The following SNORC variants were observed in gnomAD, a reference collection of about 807,000 sequenced individuals.
SNORC encodes the protein protein SNORC.
Under a neutral mutation model 9.7 loss-of-function variants are expected in SNORC, and 11 were observed. The ratio of observed to expected loss-of-function variants is 1.14; its 90% CI spans 0.72 to 1.88. The LOEUF is 1.88. Among genes scored for constraint, SNORC ranks in the 40% most tolerant of loss-of-function variants. The pLI is 0.00. For missense variants in SNORC, 197 were observed against 173.1 expected (o/e 1.14, Z -0.77); for synonymous variants, 108 against 88.7 (o/e 1.22, Z -1.22).
downstream of SNORC, chr2:232,876,865 G>A (rs1227831207): frequency 2.1e-5 from 21 of 985,422 alleles, no homozygotes; most frequent in Non-Finnish European, 2.4e-5. This position sits in a 1 kb window ranked among gnomAD's most constrained non-coding sequence, Gnocchi z 6.8. Flanking sequence ...CCCTCGCCGC[G>A]CTCCCCGGGG....
chr2:232,868,099 G>T (rs1002775584), upstream of SNORC, among the ~76,000 whole-genome samples: 15 of 151,472 alleles, frequency 9.9e-5, no homozygotes, highest in Non-Finnish European at 2.1e-4. Flanking sequence ...TTAGTAGACT[G>T]GCTGGCTGTT....
At chr2:232,868,454 C>T (rs990654525), upstream of SNORC, among the ~76,000 whole-genome samples, 2 of 152,164 alleles carry the variant, frequency 1.3e-5, no homozygotes, top group Non-Finnish European at 2.9e-5. Flanking sequence ...CCTCTGCTGC[C>T]GCTTGGCCTC....
At chr2:232,875,425 G>A in intron 1 of SNORC, 1 of 363,398 alleles carries the variant, frequency 2.8e-6, no homozygotes, top group Non-Finnish European at 5.9e-6. Flanking sequence ...GGGCTGGAGA[G>A]GCCAAGAGCC....
At chr2:232,876,948 G>C, downstream of SNORC, 1 of 985,472 alleles carries the variant, frequency 1.0e-6, no homozygotes, top group Non-Finnish European at 1.2e-6. The surrounding 1 kb of genome is among the most constrained non-coding windows in gnomAD (Gnocchi z 6.8). Flanking sequence ...AGGAGAGGCC[G>C]ACAGAGACCC....
At chr2:232,870,206 C>T (rs544528883), upstream of SNORC, 2 of 780,766 alleles carry the variant, frequency 2.6e-6, no homozygotes, top group South Asian at 1.6e-5. Context: ...GGTGCGGGCA[C>T]GATGTCCCAG....
At chr2:232,869,113 G>T (rs565892256), upstream of SNORC, 1 of 152,306 alleles carries the variant, frequency 6.6e-6, no homozygotes, top group Non-Finnish European at 1.5e-5. Flanking sequence ...TAGGTACAAG[G>T]TAATTTCATA....
Position 232,876,263 on chromosome 2 carries a change from C to T in SNORC, c.273C>T (p.Gly91=). The T allele has an allele frequency of 6.6e-7, 1 of 1,516,608 alleles. No individual in the cohort carries two copies. The highest frequency in any genetic ancestry group is 8.8e-7 in the Non-Finnish European group (1 of 1,137,652). The allele number at this position is 1,516,608 out of a possible 1,614,324, so 93.9% of individuals were successfully genotyped here. Residue 91 remains glycine, a synonymous_variant, in exon 3 of 3, where the codon GGC becomes GGT. Coordinates refer to ENST00000331342, the Ensembl canonical transcript of SNORC. This position sits in a 1 kb window ranked among gnomAD's most constrained non-coding sequence, Gnocchi z 6.8. ...CCTCCGCAGGGTCGCTGGGGCCCGG[C>T]GCTATCGCGGCCATCGTGATCGCCG... is the stretch of plus-strand genomic sequence containing the variant.
chr2:232,866,534 G>T (rs809639), upstream of SNORC, among the ~76,000 whole-genome samples: 1 of 151,906 alleles, frequency 6.6e-6, no homozygotes, highest in East Asian at 1.9e-4. Context: ...ATAACTGATA[G>T]GTTTTGAGAA....
downstream of SNORC, chr2:232,876,827 G>T: frequency 1.0e-6 from 1 of 985,514 alleles, no homozygotes; most frequent in Non-Finnish European, 1.2e-6. The surrounding 1 kb of genome is among the most constrained non-coding windows in gnomAD (Gnocchi z 6.8). Context: ...TCCCGGCGCC[G>T]CCTCCTCTGC....
chr2:232,876,523 C>A (rs1201092912), downstream of SNORC: 1 of 1,220,478 alleles, frequency 8.2e-7, no homozygotes, highest in Non-Finnish European at 1.0e-6. This position sits in a 1 kb window ranked among gnomAD's most constrained non-coding sequence, Gnocchi z 6.8. Flanking sequence ...GGGTGCCGTG[C>A]ACGCGCGCGG....
At chr2:232,875,168 G>A (rs751828703) in intron 1 of SNORC, among the ~76,000 whole-genome samples, 3 of 152,188 alleles carry the variant, frequency 2.0e-5, no homozygotes, top group Non-Finnish European at 4.4e-5. Context: ...GGCAAACCCC[G>A]TCTCAACTAA....
exon 1 of SNORC, chr2:232,870,409 T>C: frequency 6.4e-7 from 1 of 1,568,806 alleles, no homozygotes. Context: ...CCTGCGGTGC[T>C]CACAGGTAAG....
chr2:232,876,699 G>T, downstream of SNORC: 1 of 992,024 alleles, frequency 1.0e-6, no homozygotes, highest in Non-Finnish European at 1.2e-6. The surrounding 1 kb of genome is among the most constrained non-coding windows in gnomAD (Gnocchi z 6.8). Context: ...CGCCGCATGT[G>T]CGTGCCCGGT....
At chr2:232,875,267 C>T (rs980586631) in intron 1 of SNORC, among the ~76,000 whole-genome samples, 6 of 152,172 alleles carry the variant, frequency 3.9e-5, no homozygotes, top group Non-Finnish European at 5.9e-5. Context: ...TGCTTGAACC[C>T]GGGAGGCGGA....
upstream of SNORC, among the ~76,000 whole-genome samples, chr2:232,868,427 G>C (rs1690917531): frequency 6.6e-6 from 1 of 152,042 alleles, no homozygotes; most frequent in Non-Finnish European, 1.5e-5. Flanking sequence ...TCCATGGCAG[G>C]GTTGGCGTCC....
At chr2:232,867,456 C>T (rs1180267686), upstream of SNORC, among the ~76,000 whole-genome samples, 1 of 152,190 alleles carries the variant, frequency 6.6e-6, no homozygotes, top group Non-Finnish European at 1.5e-5. Flanking sequence ...TAGTATTATT[C>T]ATTGCAGCTA....
intron 1 of SNORC, chr2:232,875,532 A>G: frequency 2.4e-6 from 1 of 412,918 alleles, no homozygotes; most frequent in Non-Finnish European, 5.0e-6. Context: ...TGGTCAGGGG[A>G]GGACAACTGG....
At chr2:232,875,659 T>TCCTGCCA (rs747611515) in intron 1 of SNORC, 35 of 533,380 alleles carry the variant, frequency 6.6e-5, no homozygotes, top group Non-Finnish European at 1.1e-4. Context: ...GTACCCCAAA[T>TCCTGCCA]CCTGCCAACT....
chr2:232,876,874 G>T (rs1691274664), downstream of SNORC: 1 of 985,552 alleles, frequency 1.0e-6, no homozygotes, highest in Non-Finnish European at 1.2e-6. This position sits in a 1 kb window ranked among gnomAD's most constrained non-coding sequence, Gnocchi z 6.8. Context: ...CGCTCCCCGG[G>T]GCCTGCCTCC....
Sources: allele counts gnomAD v4.1 joint callset (sites outside exome capture counted in the v4.1 genomes callset), GRCh38; gene constraint gnomAD v4.1.1; non-coding constraint Gnocchi (gnomAD v3.1); transcripts MANE v1.5; gene names NCBI Gene and HGNC (gene_info 2026-07-23, HGNC 2026-07-21).